STK32C: variants seen among roughly 807,000 people sequenced by gnomAD.
The protein encoded by STK32C is serine/threonine kinase 32C.
A neutral mutation model predicts 56.5 loss-of-function variants in STK32C; 31 were observed. The observed-to-expected ratio is 0.55, with a 90% CI of 0.41 to 0.74. STK32C has a LOEUF of 0.74. STK32C is among the 30% of genes least tolerant of loss of function. The pLI, the probability that STK32C is intolerant of heterozygous loss-of-function variation, is 0.00. For missense variants in STK32C, 544 were observed against 676.9 expected, an observed-to-expected ratio of 0.80 and a Z score of 2.18; for synonymous variants, 309 against 289.4, an observed-to-expected ratio of 1.07 and a Z score of -0.69.
intron 10 of STK32C, among the ~76,000 whole-genome samples, chr10:132,218,127 A>G (rs909200693): frequency 6.6e-6 from 1 of 152,150 alleles, no homozygotes; most frequent in African/African-American, 2.4e-5. Context: ...CAACCTGGAC[A>G]ACATAGTGAG....
intron 1 of STK32C, among the ~76,000 whole-genome samples, chr10:132,269,731 G>A (rs1412607978): frequency 1.3e-5 from 2 of 152,248 alleles, no homozygotes; most frequent in Non-Finnish European, 2.9e-5. Context: ...GGTGGAGGTG[G>A]GCCCTGGGGT....
chr10:132,292,502 C>T (rs1337561868), intron 1 of STK32C, among the ~76,000 whole-genome samples: 1 of 152,214 alleles, frequency 6.6e-6, no homozygotes, highest in African/African-American at 2.4e-5. Context: ...CACACATGCT[C>T]AGGCACACAT....
intron 1 of STK32C, among the ~76,000 whole-genome samples, chr10:132,258,212 G>T (rs866136699): frequency 5.3e-5 from 8 of 152,250 alleles, no homozygotes; most frequent in Non-Finnish European, 1.0e-4. Context: ...ACAGGCAAGA[G>T]GGCCCAGCTG....
At chr10:132,283,629 T>G (rs1330105188) in intron 1 of STK32C, among the ~76,000 whole-genome samples, 1 of 152,140 alleles carries the variant, frequency 6.6e-6, no homozygotes, top group Non-Finnish European at 1.5e-5. Context: ...GGCCCGGTTT[T>G]GGGGAACACC....
chr10:132,330,496 G>T, intron 1 of STK32C: 3 of 717,038 alleles, frequency 4.2e-6, no homozygotes, highest in Non-Finnish European at 7.8e-6. Flanking sequence ...CTGATTGGTA[G>T]ATAGTTGGGT....
At chr10:132,245,982 G>A (rs559883715) in intron 1 of STK32C, 27 bp from the exon 2 acceptor site, 65 of 1,612,144 alleles carry the variant, frequency 4.0e-5, no homozygotes, top group Non-Finnish European at 5.2e-5. Context: ...AGGGACACCT[G>A]GTGAGGTGGC....
chr10:132,244,689 C>T (rs117641309), intron 2 of STK32C, among the ~76,000 whole-genome samples: 5,396 of 152,310 alleles, frequency 0.035, 162 homozygotes, highest in Non-Finnish European at 0.052. Context: ...TCTCCTGAAC[C>T]TGGTCACAGC....
In STK32C at chr10:132,222,785, G is replaced by T; in HGVS notation, c.1120-13C>A. 1.9e-6 allele frequency: 3 copies of T among 1,596,468 alleles called. No homozygotes were observed. The highest frequency in any genetic ancestry group is 2.6e-6 in the Non-Finnish European group (3 of 1,171,942). On this transcript the variant is annotated splice_polypyrimidine_tract_variant and intron_variant, in intron 9 of 11. Coordinates refer to ENST00000298630, the MANE Select transcript of STK32C (RefSeq NM_173575.4). ...GCAGACGGCCTTTCTACAGAGGGAT[G>T]GGTGCTGAGCCCCGGCCCGTGGAGG...
In STK32C at chr10:132,208,992, C is replaced by T. The variant is rs200140161; in HGVS notation, c.1319+42G>A. 8.7e-4 allele frequency: 1,390 copies of T among 1,594,016 alleles called. 10 individuals are homozygous for T. The African/African-American group carries it at 0.016, about 18-fold the overall frequency. ...AAACCTTAACCTTAGCCCCATTTTCCTCCTCTCTGCCACCACGCCCACCCA... is the reference window on the plus strand; with the variant it reads ...AAACCTTAACCTTAGCCCCATTTTCTTCCTCTCTGCCACCACGCCCACCCA... On this transcript the variant is annotated intron_variant, in intron 11 of 11. Coordinates refer to ENST00000298630, the MANE Select transcript of STK32C (RefSeq NM_173575.4).
At chr10:132,232,800 G>A (rs1318245384) in intron 2 of STK32C, among the ~76,000 whole-genome samples, 6 of 145,642 alleles carry the variant, frequency 4.1e-5, no homozygotes, top group Admixed American at 4.0e-4. Context: ...GCCACCCGGA[G>A]CCCTGGGCTT....
chr10:132,207,788 CGGG>C lies in STK32C; in HGVS notation c.*219_*221del. The C allele has an allele frequency of 2.0e-6, 1 of 503,946 alleles. No homozygotes were observed. The highest frequency in any genetic ancestry group is 3.1e-6 in the Non-Finnish European group (1 of 325,912). The allele number at this position is 503,946 out of a possible 1,614,324, so 31.2% of individuals were successfully genotyped here. ...GCGCTTCCTCCATCTAGGCGGGTCTCGGGGGCCCACGGGAAATGCCCTCCACAG... is the reference window on the plus strand; with the variant it reads ...GCGCTTCCTCCATCTAGGCGGGTCTCGGCCCACGGGAAATGCCCTCCACAG... On this transcript the variant is annotated 3_prime_UTR_variant, in exon 12 of 12. Coordinates refer to ENST00000298630, the MANE Select transcript of STK32C (RefSeq NM_173575.4).
chr10:132,324,674 T>G (rs763989859), intron 1 of STK32C, among the ~76,000 whole-genome samples: 68 of 152,352 alleles, frequency 4.5e-4, no homozygotes, highest in Non-Finnish European at 8.2e-4. Flanking sequence ...AGAGTCAAGC[T>G]CTGTCAAATA....
At chr10:132,232,410 G>C (rs539161900) in intron 2 of STK32C, among the ~76,000 whole-genome samples, 1 of 152,166 alleles carries the variant, frequency 6.6e-6, no homozygotes. Context: ...TCCAACGAGC[G>C]GTGGCGTAAA....
downstream of STK32C, among the ~76,000 whole-genome samples, chr10:132,322,710 C>A (rs1348244074): frequency 6.6e-6 from 1 of 152,204 alleles, no homozygotes; most frequent in Non-Finnish European, 1.5e-5. Flanking sequence ...TACCACCCAG[C>A]AGGGGGAGGA....
At chr10:132,312,314 T>A (rs2066238870), upstream of STK32C, among the ~76,000 whole-genome samples, 1 of 152,004 alleles carries the variant, frequency 6.6e-6, no homozygotes, top group South Asian at 2.1e-4. Context: ...CAGCCTCTCG[T>A]CTAAATATTT....
At chr10:132,208,879 G>A (rs373093431) in intron 11 of STK32C, among the ~76,000 whole-genome samples, 155 bp downstream of exon 11, 5 of 152,122 alleles carry the variant, frequency 3.3e-5, no homozygotes, top group East Asian at 1.9e-4. Flanking sequence ...GCCTCCCGCC[G>A]CTCCCCTCCA....
downstream of STK32C, among the ~76,000 whole-genome samples, chr10:132,321,750 G>C (rs979024513): frequency 6.6e-6 from 1 of 152,200 alleles, no homozygotes; most frequent in Non-Finnish European, 1.5e-5. Context: ...GCTTGAACCT[G>C]GGAGGCGGAG....
At chr10:132,299,534 G>C (rs757320060) in intron 1 of STK32C, among the ~76,000 whole-genome samples, 4 of 152,246 alleles carry the variant, frequency 2.6e-5, no homozygotes, top group Non-Finnish European at 4.4e-5. Context: ...CAAGACCCCT[G>C]GGGAGGTTTG....
chr10:132,286,285 A>G (rs1439979240), intron 1 of STK32C, among the ~76,000 whole-genome samples: 6 of 152,264 alleles, frequency 3.9e-5, no homozygotes, highest in Non-Finnish European at 7.3e-5. Context: ...AATTGAGCTC[A>G]TTATTAAAAT....
Sources: allele counts gnomAD v4.1 joint callset (sites outside exome capture counted in the v4.1 genomes callset), GRCh38; gene constraint gnomAD v4.1.1; transcripts MANE v1.5; gene names NCBI Gene and HGNC (gene_info 2026-07-23, HGNC 2026-07-21).